CHMP3: variants seen among roughly 807,000 people sequenced by gnomAD.
CHMP3 encodes the protein 25.1 protein.
CHMP3 carries 8 observed loss-of-function variants against 27.4 expected under a neutral mutation model. The observed-to-expected ratio is 0.29, with a 90% CI of 0.17 to 0.53. The LOEUF (loss-of-function observed/expected upper bound fraction) is 0.53, where lower values mean the gene tolerates loss of function less well. Ranked by LOEUF, CHMP3 falls within the 20% of genes least tolerant of loss-of-function variation. CHMP3 has a pLI of 0.96. For synonymous variants in CHMP3, 86 were observed against 85.5 expected (o/e 1.01, Z -0.03); for missense variants, 208 against 271.5 (o/e 0.77, Z 1.64).
intron 5 of CHMP3, 36 bp downstream of exon 5, chr2:86,507,443 A>G: frequency 6.3e-7 from 1 of 1,588,218 alleles, no homozygotes; most frequent in Non-Finnish European, 8.6e-7. Flanking sequence ...AATGGCCATA[A>G]AAAGAGAGGA....
At chr2:86,556,660 C>T (rs1198078506) in intron 1 of CHMP3, among the ~76,000 whole-genome samples, 1 of 151,992 alleles carries the variant, frequency 6.6e-6, no homozygotes, top group Non-Finnish European at 1.5e-5. Context: ...ACTGCTCTCT[C>T]GGGGAAGGCG....
intron 3 of CHMP3, among the ~76,000 whole-genome samples, chr2:86,525,758 C>T (rs899060056): frequency 2.0e-5 from 3 of 151,366 alleles, no homozygotes; most frequent in South Asian, 2.1e-4. Context: ...TTTAATGATG[C>T]CAAAAATTAA....
chr2:86,557,085 C>T (rs1019956170), intron 1 of CHMP3, among the ~76,000 whole-genome samples: 19 of 152,034 alleles, frequency 1.2e-4, no homozygotes, highest in Non-Finnish European at 1.8e-4. Context: ...CCAGAATTTC[C>T]CTGTGTCTAT....
At chr2:86,534,687 G>C (rs1270753504) in intron 2 of CHMP3, among the ~76,000 whole-genome samples, 1 of 152,100 alleles carries the variant, frequency 6.6e-6, no homozygotes, top group African/African-American at 2.4e-5. Flanking sequence ...TCTTCTTGCT[G>C]TATTTAATCT....
intron 1 of CHMP3, among the ~76,000 whole-genome samples, chr2:86,555,403 CAT>C (rs1308386020): frequency 5.9e-5 from 9 of 151,296 alleles, no homozygotes; most frequent in Non-Finnish European, 8.8e-5. Context: ...GTACTTAAAA[CAT>C]AAATGAGAAT....
chr2:86,546,249 A>G (rs1426495731), intron 1 of CHMP3, among the ~76,000 whole-genome samples: 1 of 150,616 alleles, frequency 6.6e-6, no homozygotes, highest in African/African-American at 2.5e-5. Flanking sequence ...CTGCAATCCT[A>G]GGCACTCGGC....
intron 3 of CHMP3, among the ~76,000 whole-genome samples, chr2:86,522,397 AG>A (rs1297468367): frequency 6.6e-6 from 1 of 152,150 alleles, no homozygotes; most frequent in African/African-American, 2.4e-5. Flanking sequence ...TCTCCCAACA[AG>A]CAACACTCCA....
chr2:86,520,001 TAATA>T (rs1434150155), intron 3 of CHMP3, among the ~76,000 whole-genome samples: 3 of 152,114 alleles, frequency 2.0e-5, no homozygotes, highest in Non-Finnish European at 2.9e-5. Context: ...TAGACCTGAG[TAATA>T]AATGTGTGTG....
intron 3 of CHMP3, among the ~76,000 whole-genome samples, chr2:86,519,685 G>A (rs1055886123): frequency 2.0e-5 from 3 of 152,238 alleles, no homozygotes; most frequent in Non-Finnish European, 4.4e-5. Flanking sequence ...TGTGAGGAAG[G>A]CAGATGATTT....
chr2:86,547,170 C>G (rs1180475059), intron 1 of CHMP3, among the ~76,000 whole-genome samples: 1 of 152,130 alleles, frequency 6.6e-6, no homozygotes, highest in Non-Finnish European at 1.5e-5. Context: ...CAAATATAGA[C>G]TATAAGCTCC....
chr2:86,519,742 G>A (rs2104756208), intron 3 of CHMP3, among the ~76,000 whole-genome samples: 1 of 152,214 alleles, frequency 6.6e-6, no homozygotes, highest in East Asian at 1.9e-4. Context: ...TGTTTATGCA[G>A]GGGAAAATAT....
chr2:86,506,553 T>C (rs945043941), intron 5 of CHMP3, among the ~76,000 whole-genome samples: 1 of 151,916 alleles, frequency 6.6e-6, no homozygotes, highest in Non-Finnish European at 1.5e-5. Flanking sequence ...ATACCATCTA[T>C]CACAATATAT....
intron 3 of CHMP3, among the ~76,000 whole-genome samples, chr2:86,514,194 C>A (rs894968577): frequency 6.6e-6 from 1 of 152,140 alleles, no homozygotes; most frequent in East Asian, 1.9e-4. Context: ...TACAAGATAA[C>A]CAGCTCGAAG....
intron 2 of CHMP3, chr2:86,540,723 CTGTATTTTGTATTTATCTCCTCATTA>C (rs1326041641): frequency 6.6e-6 from 1 of 151,872 alleles, no homozygotes; most frequent in Non-Finnish European, 1.5e-5. Flanking sequence ...TTGTTGTTTT[CTGTATTTTGTATTTATCTCCTCATTA>C]TGTTTAAGTT....
chr2:86,551,501 C>T (rs1371988904), intron 1 of CHMP3, among the ~76,000 whole-genome samples: 1 of 152,142 alleles, frequency 6.6e-6, no homozygotes, highest in African/African-American at 2.4e-5. Flanking sequence ...AGGGGATCTG[C>T]CCACCTCGGC....
chr2:86,522,240 G>A (rs1675546980), intron 3 of CHMP3, among the ~76,000 whole-genome samples: 1 of 152,184 alleles, frequency 6.6e-6, no homozygotes, highest in Admixed American at 6.5e-5. Flanking sequence ...AACAGGCTAG[G>A]GGTGGGATGG....
chr2:86,544,759 G>A (rs1403390389), intron 1 of CHMP3, among the ~76,000 whole-genome samples: 2 of 152,216 alleles, frequency 1.3e-5, no homozygotes, highest in Non-Finnish European at 2.9e-5. Flanking sequence ...CACAGACACA[G>A]TAACATCTGA....
In CHMP3 at chr2:86,510,493, T is replaced by G. The variant is rs771921505; in HGVS notation, c.287-14A>C. ...CTCGCAAGACCGCTGAAAGAGAATG[T>G]GTACAGTCAGGATTGTTCAACAGGA... On this transcript the variant is annotated splice_polypyrimidine_tract_variant and intron_variant, in intron 3 of 5. Transcript: ENST00000263856. 25 of 1,610,402 alleles carry G rather than the reference T, an allele frequency of 1.6e-5. No individual in the cohort carries two copies. Among genetic ancestry groups the G allele is most frequent in the Non-Finnish European group, 2.0e-5 (24 of 1,179,950 alleles).
chr2:86,560,826 A>C (rs1677324547), intron 1 of CHMP3, among the ~76,000 whole-genome samples: 1 of 152,146 alleles, frequency 6.6e-6, no homozygotes. Context: ...GGGAAGGCAA[A>C]GAAATAGGCA....
Sources: allele counts gnomAD v4.1 joint callset (sites outside exome capture counted in the v4.1 genomes callset), GRCh38; gene constraint gnomAD v4.1.1; transcripts MANE v1.5; gene names NCBI Gene and HGNC (gene_info 2026-07-23, HGNC 2026-07-21).